The following PCDHGA6 variants were observed in gnomAD, a reference collection of about 807,000 sequenced individuals.
PCDHGA6 encodes the protein protocadherin gamma-A6.
A neutral mutation model predicts 60.6 loss-of-function variants in PCDHGA6; 41 were observed. That is an observed-to-expected ratio of 0.68 (90% CI 0.53 to 0.88). The LOEUF is 0.88. Ranked by LOEUF, PCDHGA6 falls within the 40% of genes least tolerant of loss-of-function variation. The probability of loss-of-function intolerance (pLI) is 0.00; values close to 1 mark genes in which losing one functional copy is unlikely to be tolerated. For synonymous variants in PCDHGA6, 594 were observed against 524.4 expected (o/e 1.13, Z -1.81); for missense variants, 1,312 against 1,203.0 (o/e 1.09, Z -1.34).
At chr5:141,398,041 G>A in intron 1 of PCDHGA6, 3 of 1,492,894 alleles carry the variant, frequency 2.0e-6, no homozygotes, top group Non-Finnish European at 2.7e-6. Context: ...ACTAAAGCCC[G>A]TTCGGAGATC....
In PCDHGA6 at chr5:141,384,445, G is replaced by A. The variant is rs182497799; in HGVS notation, c.2424+7938G>A. 5.0e-6 allele frequency: 8 copies of A among 1,613,990 alleles called. 1 individual carries two copies. The African/African-American group carries it at 5.3e-5, about 11-fold the overall frequency. ...AAACTCTGACACTGGAGTCCTGTAC[G>A]CGCTGCAATCCTTTGATTATGAGCA... On this transcript the variant is annotated intron_variant, in intron 1 of 3. Transcript: ENST00000517434.
intron 1 of PCDHGA6, chr5:141,410,497 T>TG (rs1192894414): frequency 6.2e-7 from 1 of 1,613,998 alleles, no homozygotes; most frequent in South Asian, 1.1e-5. Flanking sequence ...AAGAGTTTAA[T>TG]TTCCTAAAAT....
At position 141,486,218 on chromosome 5, in the gene PCDHGA6, T is replaced by A. The variant is rs1467104398; in HGVS notation, c.2425-8589T>A. The A allele has an allele frequency of 2.5e-6, 4 of 1,614,004 alleles. No homozygotes were observed. The African/African-American group carries it at 5.3e-5, about 22-fold the overall frequency. On this transcript the variant is annotated intron_variant, in intron 1 of 3. Transcript: ENST00000517434. The surrounding 1 kb of genome is among the most constrained non-coding windows in gnomAD (Gnocchi z 5.0). ...GCTGGACGTAAATGACAATGCCCCT[T>A]ACATCACAGTGACCTCAGAGCTTGG...
intron 1 of PCDHGA6, chr5:141,421,778 G>C (rs756566609): frequency 6.2e-7 from 1 of 1,613,844 alleles, no homozygotes; most frequent in Non-Finnish European, 8.5e-7. Context: ...TTGCAACTGC[G>C]GGGCAGAACG....
At chr5:141,395,126 C>G (rs1416844764) in intron 1 of PCDHGA6, 1 of 1,614,078 alleles carries the variant, frequency 6.2e-7, no homozygotes, top group East Asian at 2.2e-5. Flanking sequence ...TGATCTTTCC[C>G]CAGCCCAACT....
At position 141,489,437 on chromosome 5, in the gene PCDHGA6, T is replaced by C; in HGVS notation, c.2425-5370T>C. The C allele has an allele frequency of 6.2e-7, 1 of 1,614,110 alleles. No individual in the cohort carries two copies. Among genetic ancestry groups the C allele is most frequent in the Non-Finnish European group, 8.5e-7 (1 of 1,180,020 alleles). ...GATCTGTTGAGCCGGCGGCTGCAATTGGGCTCTGAGGAGAATGGGCGCTAT... is the reference window on the plus strand; with the variant it reads ...GATCTGTTGAGCCGGCGGCTGCAATCGGGCTCTGAGGAGAATGGGCGCTAT... On this transcript the variant is annotated intron_variant, in intron 1 of 3. Transcript: ENST00000517434. This position sits in a 1 kb window ranked among gnomAD's most constrained non-coding sequence, Gnocchi z 4.5.
At chr5:141,399,795 G>C in intron 1 of PCDHGA6, 2 of 1,613,204 alleles carry the variant, frequency 1.2e-6, no homozygotes, top group Non-Finnish European at 1.7e-6. Context: ...ACAACGCACC[G>C]CGGGTGCTGT....
Position 141,476,658 on chromosome 5 carries a change from C to A in PCDHGA6, c.2425-18149C>A, listed in dbSNP as rs182518072. On this transcript the variant is annotated intron_variant, in intron 1 of 3. Transcript: ENST00000517434. The surrounding 1 kb of genome is among the most constrained non-coding windows in gnomAD (Gnocchi z 7.6). ...GAGCTGAGCCGAAATGAATACTTTGCGCTTCGCGTGCAGACGCGGGAGGAC... is the reference window on the plus strand; with the variant it reads ...GAGCTGAGCCGAAATGAATACTTTGAGCTTCGCGTGCAGACGCGGGAGGAC... 2 of 1,614,244 alleles carry A rather than the reference C, an allele frequency of 1.2e-6. No homozygotes were observed. The highest frequency in any genetic ancestry group is 2.2e-5 in the East Asian group (1 of 44,878).
intron 1 of PCDHGA6, chr5:141,422,218 A>T: frequency 1.3e-6 from 2 of 1,564,130 alleles, no homozygotes; most frequent in Non-Finnish European, 8.6e-7. Flanking sequence ...TCTCTTTACC[A>T]CCACGACGAT....
At chr5:141,452,370 G>A (rs2098739834) in intron 1 of PCDHGA6, among the ~76,000 whole-genome samples, 1 of 152,136 alleles carries the variant, frequency 6.6e-6, no homozygotes, top group Non-Finnish European at 1.5e-5. Flanking sequence ...CTTCATTTTA[G>A]TAGGGAATAG....
chr5:141,426,858 T>G (rs898486771), intron 1 of PCDHGA6: 13 of 456,574 alleles, frequency 2.8e-5, no homozygotes, highest in African/African-American at 8.0e-5. Context: ...CGCTCCAGAA[T>G]TAGTGCTGGA....
At chr5:141,423,836 GATA>G (rs752488755) in intron 1 of PCDHGA6, 23 of 1,275,246 alleles carry the variant, frequency 1.8e-5, no homozygotes, top group Non-Finnish European at 2.1e-5. Context: ...ATGAGATTAC[GATA>G]ATCTTTCAGA....
rs1591227595 is a variant in PCDHGA6 at position 141,432,858 on chromosome 5, T to C, written c.2424+56351T>C. ...TACCTGGTGGTAGCGGTGGCCGCGG[T>C]CTCCTGCGTCTTCCTGGCCTTCGTC... On this transcript the variant is annotated intron_variant, in intron 1 of 3. Coordinates refer to ENST00000517434, the MANE Select transcript of PCDHGA6 (RefSeq NM_018919.3). This position sits in a 1 kb window ranked among gnomAD's most constrained non-coding sequence, Gnocchi z 6.0. The C allele has an allele frequency of 1.2e-6, 2 of 1,614,140 alleles. No individual in the cohort carries two copies. Among genetic ancestry groups the C allele is most frequent in the Non-Finnish European group, 8.5e-7 (1 of 1,179,996 alleles).
chr5:141,430,315 T>C (rs185896854), intron 1 of PCDHGA6, among the ~76,000 whole-genome samples: 58 of 151,980 alleles, frequency 3.8e-4, no homozygotes, highest in African/African-American at 1.3e-3. Context: ...CATTATAAGA[T>C]TAAAATCATT....
At chr5:141,399,627 C>A (rs751717107) in intron 1 of PCDHGA6, 19 of 1,613,788 alleles carry the variant, frequency 1.2e-5, no homozygotes, top group Non-Finnish European at 1.6e-5. Flanking sequence ...TGGCCTCTTA[C>A]GTGTCCATGA....
intron 1 of PCDHGA6, among the ~76,000 whole-genome samples, chr5:141,484,319 C>T (rs1191113560): frequency 6.6e-6 from 1 of 152,212 alleles, no homozygotes; most frequent in Non-Finnish European, 1.5e-5. Context: ...CGCTTCCATA[C>T]TGTCCTTGAA....
At chr5:141,389,089 T>G in intron 1 of PCDHGA6, 1 of 1,613,978 alleles carries the variant, frequency 6.2e-7, no homozygotes, top group East Asian at 2.2e-5. Flanking sequence ...ACGTATAAAT[T>G]AGTGACAGAT....
chr5:141,475,202 G>T (rs746895166), intron 1 of PCDHGA6, among the ~76,000 whole-genome samples: 38 of 152,086 alleles, frequency 2.5e-4, no homozygotes, highest in Non-Finnish European at 5.3e-4. Context: ...CAAGATCTTG[G>T]GAAAAGGATT....
chr5:141,491,578 C>G lies in PCDHGA6; in HGVS notation c.2425-3229C>G, dbSNP rs1438933474. ...CCACTGCTACAGGACGTGCTTTTCA[C>G]CGGCCTCGGACGGCAGTGACTTCAC... On this transcript the variant is annotated intron_variant, in intron 1 of 3. Transcript: ENST00000517434. This position sits in a 1 kb window ranked among gnomAD's most constrained non-coding sequence, Gnocchi z 6.9. The G allele has an allele frequency of 1.9e-6, 3 of 1,614,006 alleles. No individual in the cohort carries two copies. Among genetic ancestry groups the G allele is most frequent in the Non-Finnish European group, 2.5e-6 (3 of 1,180,036 alleles).
Sources: allele counts gnomAD v4.1 joint callset (sites outside exome capture counted in the v4.1 genomes callset), GRCh38; gene constraint gnomAD v4.1.1; non-coding constraint Gnocchi (gnomAD v3.1); transcripts MANE v1.5; gene names NCBI Gene and HGNC (gene_info 2026-07-23, HGNC 2026-07-21).